The following DOCK3 variants were observed in gnomAD, a reference collection of about 807,000 sequenced individuals.
DOCK3 encodes dedicator of cytokinesis protein 3.
DOCK3 carries 60 observed loss-of-function variants against 265.6 expected under a neutral mutation model. The ratio of observed to expected loss-of-function variants is 0.23; its 90% CI spans 0.18 to 0.28. The LOEUF (loss-of-function observed/expected upper bound fraction) is 0.28, where lower values mean the gene tolerates loss of function less well. Ranked by LOEUF, DOCK3 falls within the 10% of genes least tolerant of loss-of-function variation. The pLI, the probability that DOCK3 is intolerant of heterozygous loss-of-function variation, is 1.00. For synonymous variants in DOCK3, 881 were observed against 938.0 expected, an observed-to-expected ratio of 0.94 and a Z score of 1.11; for missense variants, 1,981 against 2,594.3, an observed-to-expected ratio of 0.76 and a Z score of 5.14.
chr3:50,791,383 C>T (rs2042473205), intron 2 of DOCK3, among the ~76,000 whole-genome samples: 1 of 151,390 alleles, frequency 6.6e-6, no homozygotes, highest in South Asian at 2.1e-4. Flanking sequence ...CCTGCCTCAG[C>T]CTCCCAAGTA....
intron 5 of DOCK3, among the ~76,000 whole-genome samples, chr3:50,966,498 C>CTTTTTTTTTTTTTTTTT (rs2077037582): frequency 2.8e-5 from 2 of 72,002 alleles, no homozygotes; most frequent in Non-Finnish European, 2.9e-5. Flanking sequence ...TTTTTTTTTT[C>CTTTTTTTTTTTTTTTTT]TTCCTTTTTT....
intron 5 of DOCK3, among the ~76,000 whole-genome samples, chr3:50,999,217 T>C (rs1284506464): frequency 6.6e-6 from 1 of 152,206 alleles, no homozygotes; most frequent in Non-Finnish European, 1.5e-5. Flanking sequence ...AAGATATAAG[T>C]ATAAATAAGT....
At chr3:51,135,246 C>A (rs1395844363) in intron 9 of DOCK3, among the ~76,000 whole-genome samples, 1 of 152,172 alleles carries the variant, frequency 6.6e-6, no homozygotes, top group Non-Finnish European at 1.5e-5. Context: ...ATCTGGTCAG[C>A]TGTGTCTCCT....
Position 51,283,963 on chromosome 3 carries a change from T to C in DOCK3, c.2922+3759T>C, listed in dbSNP as rs1206069225. ...AGGGGTGTATAACTACTTGGTGGTC[T>C]GGCTTCTTGAGTTAAAGGGACTTTA... On this transcript the variant is annotated intron_variant, in intron 27 of 52. Transcript: ENST00000266037. Among the ~76,000 whole-genome samples, 5 of 151,450 alleles carry C rather than the reference T, an allele frequency of 3.3e-5. No homozygotes were observed. In the East Asian group the frequency reaches 9.9e-4, roughly 30 times the overall value.
At chr3:50,855,806 C>T (rs914723266) in intron 3 of DOCK3, among the ~76,000 whole-genome samples, 1 of 151,428 alleles carries the variant, frequency 6.6e-6, no homozygotes, top group Admixed American at 6.6e-5. Context: ...CCAGCATCCA[C>T]TAGCTATTCT....
In DOCK3 at chr3:51,149,821, C is replaced by T. The variant is rs150087214; in HGVS notation, c.828+3191C>T. ...AATCTTTTTTGTTGTTGTGTCTCTG[C>T]CAGGCTTTGGTATCAGGATGATGCT... On this transcript the variant is annotated intron_variant, in intron 10 of 52. Transcript: ENST00000266037. 3.6e-4 allele frequency among the ~76,000 whole-genome samples: 55 copies of T among 152,230 alleles called. No individual in the cohort carries two copies. The East Asian group carries it at 4.2e-3, about 12-fold the overall frequency.
chr3:51,148,173 C>A (rs1441201985), intron 10 of DOCK3, among the ~76,000 whole-genome samples: 2 of 152,158 alleles, frequency 1.3e-5, no homozygotes, highest in South Asian at 2.1e-4. Flanking sequence ...CCTTTGCCAA[C>A]TTTTTGATGG....
At chr3:51,086,201 G>T (rs1277778823) in intron 7 of DOCK3, among the ~76,000 whole-genome samples, 2 of 152,346 alleles carry the variant, frequency 1.3e-5, no homozygotes, top group Middle Eastern at 3.4e-3. Context: ...GATGGGTTTG[G>T]CTAGTTATCT....
intron 2 of DOCK3, chr3:50,788,267 AAGTG>A: frequency 1.7e-6 from 1 of 592,400 alleles, no homozygotes; most frequent in Admixed American, 3.5e-5. Flanking sequence ...TCCTGACGAG[AAGTG>A]GCTGTGTGCC....
intron 5 of DOCK3, among the ~76,000 whole-genome samples, chr3:51,026,312 A>G (rs1314871736): frequency 2.0e-5 from 3 of 152,024 alleles, no homozygotes; most frequent in Non-Finnish European, 4.4e-5. Flanking sequence ...CCATCCTTGC[A>G]TCTCAGGAAT....
At chr3:50,899,608 G>C (rs1172443905) in intron 4 of DOCK3, among the ~76,000 whole-genome samples, 1 of 152,070 alleles carries the variant, frequency 6.6e-6, no homozygotes. Context: ...CTTGCAGTGG[G>C]TGGTACCAGT....
chr3:51,067,038 T>C (rs1163700252), intron 6 of DOCK3, among the ~76,000 whole-genome samples: 1 of 152,180 alleles, frequency 6.6e-6, no homozygotes, highest in Non-Finnish European at 1.5e-5. Flanking sequence ...AACCCAAACA[T>C]TTTTATGTTA....
chr3:51,374,606 T>G lies in DOCK3; in HGVS notation c.5412+19T>G. ...CGGACAGGTAATAGACCCACCACAC[T>G]GACTGTCCTCTGCTGCAAGTGTGTT... On this transcript the variant is annotated intron_variant, in intron 50 of 52. Coordinates refer to ENST00000266037, the MANE Select transcript of DOCK3 (RefSeq NM_004947.5). The surrounding 1 kb of genome is among the most constrained non-coding windows in gnomAD (Gnocchi z 4.8). The G allele has an allele frequency of 6.3e-7, 1 of 1,595,114 alleles. No homozygotes were observed. The highest frequency in any genetic ancestry group is 8.6e-7 in the Non-Finnish European group (1 of 1,168,432).
Position 51,361,648 on chromosome 3 carries a change from A to G in DOCK3, c.5007-211A>G, listed in dbSNP as rs2086740428. ...GGTAGAGGCTTGTCCAGTGTACCAC[A>G]CCATTGTCTCTCCCAGACCAAGGGC... On this transcript the variant is annotated intron_variant, in intron 47 of 52. Coordinates refer to ENST00000266037, the MANE Select transcript of DOCK3 (RefSeq NM_004947.5). This position sits in a 1 kb window ranked among gnomAD's most constrained non-coding sequence, Gnocchi z 4.2. Among the ~76,000 whole-genome samples the G allele has an allele frequency of 6.6e-6, 1 of 152,146 alleles. No individual in the cohort carries two copies. Among genetic ancestry groups the G allele is most frequent in the Non-Finnish European group, 1.5e-5 (1 of 68,020 alleles).
chr3:51,138,504 A>G (rs1288201481), intron 9 of DOCK3, among the ~76,000 whole-genome samples: 1 of 152,214 alleles, frequency 6.6e-6, no homozygotes, highest in African/African-American at 2.4e-5. Context: ...TGAGAACTAA[A>G]CTTAAGGGCT....
intron 1 of DOCK3, among the ~76,000 whole-genome samples, chr3:50,722,013 G>A (rs2037505299): frequency 6.6e-6 from 1 of 152,128 alleles, no homozygotes; most frequent in Non-Finnish European, 1.5e-5. Context: ...GTGGAAATAT[G>A]CCAAAAGAAA....
chr3:51,210,028 AACT>A (rs1481417770), intron 13 of DOCK3, among the ~76,000 whole-genome samples: 3 of 152,238 alleles, frequency 2.0e-5, no homozygotes, highest in African/African-American at 7.2e-5. Flanking sequence ...CAATTTGGGA[AACT>A]ACTATTCACA....
chr3:50,920,022 C>G (rs748106578), intron 4 of DOCK3, among the ~76,000 whole-genome samples: 1 of 152,052 alleles, frequency 6.6e-6, no homozygotes, highest in Admixed American at 6.6e-5. Flanking sequence ...TGGTTTTTGT[C>G]TTTGGTTCTG....
chr3:51,294,190 A>G (rs953851743), intron 27 of DOCK3, among the ~76,000 whole-genome samples: 1 of 152,304 alleles, frequency 6.6e-6, no homozygotes, highest in African/African-American at 2.4e-5. Context: ...GAAAAAACCT[A>G]AGTGTCTATC....
Sources: gnomAD v4.1 joint callset for allele counts (sites outside exome capture counted in the v4.1 genomes callset) on GRCh38, gnomAD v4.1.1 for gene constraint, Gnocchi (gnomAD v3.1) non-coding constraint, MANE v1.5 for transcripts, NCBI Gene and HGNC (gene_info 2026-07-23, HGNC 2026-07-21) for gene names.